Variants in PDZRN4 observed in about 807,000 individuals in gnomAD.
PDZRN4 encodes PDZ domain containing ring finger 4, also known as PDZ domain-containing RING finger protein 4.
In PDZRN4, 70 loss-of-function variants were observed where a neutral mutation model predicts 99.0. The ratio of observed to expected loss-of-function variants is 0.71; its 90% confidence interval spans 0.58 to 0.86. The LOEUF is 0.86. Ranked by LOEUF, PDZRN4 falls within the 40% of genes least tolerant of loss-of-function variation. The pLI, the probability that PDZRN4 is intolerant of heterozygous loss-of-function variation, is 0.00. For missense variants in PDZRN4, 1,474 were observed against 1,331.2 expected, an observed-to-expected ratio of 1.11 and a Z score of -1.67; for synonymous variants, 551 against 501.6, an observed-to-expected ratio of 1.10 and a Z score of -1.32.
At chr12:41,486,677 GA>G (rs926147440) in intron 3 of PDZRN4, among the ~76,000 whole-genome samples, 5 of 150,850 alleles carry the variant, frequency 3.3e-5, no homozygotes, top group Admixed American at 1.3e-4. Context: ...TGAAAATAGA[GA>G]AAAAAAAATC....
chr12:41,555,569 A>G (rs1939142907), intron 6 of PDZRN4, 129 bp from the exon 7 acceptor site: 2 of 676,234 alleles, frequency 3.0e-6, no homozygotes, highest in Non-Finnish European at 5.3e-6. Context: ...GAGAAATATT[A>G]TGTATACTGT....
chr12:41,486,130 A>G (rs1373581237), intron 3 of PDZRN4, among the ~76,000 whole-genome samples: 1 of 152,178 alleles, frequency 6.6e-6, no homozygotes, highest in African/African-American at 2.4e-5. Flanking sequence ...CTTTGTTGCT[A>G]GGAGTTTTTG....
intron 3 of PDZRN4, among the ~76,000 whole-genome samples, chr12:41,306,428 C>T (rs1951569921): frequency 6.6e-6 from 1 of 152,192 alleles, no homozygotes; most frequent in African/African-American, 2.4e-5. Context: ...TTGCCATGTC[C>T]TGTACAGTCA....
chr12:41,382,599 T>C (rs1440784105), intron 3 of PDZRN4, among the ~76,000 whole-genome samples: 1 of 152,220 alleles, frequency 6.6e-6, no homozygotes, highest in Admixed American at 6.5e-5. Context: ...AATAAGTTAC[T>C]TGGCAAAGTT....
At chr12:41,425,051 A>T (rs1022553314) in intron 3 of PDZRN4, among the ~76,000 whole-genome samples, 3 of 152,196 alleles carry the variant, frequency 2.0e-5, no homozygotes, top group Non-Finnish European at 4.4e-5. Context: ...TCGAAACAAC[A>T]TTCACAACAT....
chr12:41,442,269 G>A (rs1215113054), intron 3 of PDZRN4, among the ~76,000 whole-genome samples: 1 of 151,972 alleles, frequency 6.6e-6, no homozygotes, highest in East Asian at 1.9e-4. Flanking sequence ...AGCCTCTGTG[G>A]AATACACCTT....
intron 3 of PDZRN4, among the ~76,000 whole-genome samples, chr12:41,425,766 C>T (rs951293787): frequency 4.6e-5 from 7 of 152,092 alleles, no homozygotes; most frequent in Non-Finnish European, 7.4e-5. Flanking sequence ...ATAGCAATTG[C>T]GGATTTTTAA....
intron 3 of PDZRN4, among the ~76,000 whole-genome samples, chr12:41,358,206 G>A (rs1951940527): frequency 6.6e-6 from 1 of 151,860 alleles, no homozygotes; most frequent in Admixed American, 6.6e-5. Context: ...TTGACAAAAA[G>A]CACAGCCTCA....
At chr12:41,235,309 C>A (rs1951058654) in intron 3 of PDZRN4, among the ~76,000 whole-genome samples, 1 of 151,860 alleles carries the variant, frequency 6.6e-6, no homozygotes, top group Admixed American at 6.6e-5. Context: ...ACAATATATA[C>A]CTCCTAGGAA....
At chr12:41,444,316 T>C (rs1214711781) in intron 3 of PDZRN4, among the ~76,000 whole-genome samples, 1 of 152,028 alleles carries the variant, frequency 6.6e-6, no homozygotes, top group African/African-American at 2.4e-5. Flanking sequence ...TCCAAGTATA[T>C]ACAGGTCTGG....
rs61259671 is a variant in PDZRN4, at chr12:41,466,751, G to GTTTT, written c.844-39691_844-39688dup. 5.6e-4 allele frequency among the ~76,000 whole-genome samples: 68 copies of GTTTT among 122,148 alleles called. 1 individual carries two copies. Among genetic ancestry groups the GTTTT allele is most frequent in the African/African-American group, 1.5e-3 (48 of 32,054 alleles). The allele number at this position is 122,148 out of a possible 152,430, so 80.1% of individuals were successfully genotyped here. A position where few individuals can be genotyped will look rare whatever the true frequency, so the allele number is the denominator to read the frequency against. ...TTCACAAATCCTTTATATTTCCAGT[G>GTTTT]TTTTTTTTTTTTTTTTTGGTTTTGT... On this transcript the variant is annotated intron_variant, in intron 3 of 9. Coordinates refer to ENST00000402685, the MANE Select transcript of PDZRN4 (RefSeq NM_001164595.2).
chr12:41,298,659 T>C (rs1197655313), intron 3 of PDZRN4, among the ~76,000 whole-genome samples: 1 of 152,196 alleles, frequency 6.6e-6, no homozygotes, highest in Non-Finnish European at 1.5e-5. Flanking sequence ...AAGGCCTATT[T>C]GCTGAAGCTT....
At chr12:41,407,770 G>T (rs957807023) in intron 3 of PDZRN4, among the ~76,000 whole-genome samples, 1 of 151,938 alleles carries the variant, frequency 6.6e-6, no homozygotes, top group Non-Finnish European at 1.5e-5. Flanking sequence ...TAAGAAGTAA[G>T]GTTCACCTAA....
chr12:41,437,610 T>C (rs998313130), intron 3 of PDZRN4: 10 of 420,386 alleles, frequency 2.4e-5, no homozygotes, highest in Non-Finnish European at 3.8e-5. Context: ...ACATGTTCTG[T>C]CATAAATAAT....
intron 3 of PDZRN4, among the ~76,000 whole-genome samples, chr12:41,455,989 C>T (rs1952814039): frequency 1.3e-5 from 2 of 152,190 alleles, no homozygotes; most frequent in Non-Finnish European, 2.9e-5. Context: ...TCATCTTCAA[C>T]ATTTCTTTCA....
At chr12:41,538,414 G>A (rs1220984546) in intron 5 of PDZRN4, among the ~76,000 whole-genome samples, 2 of 152,108 alleles carry the variant, frequency 1.3e-5, no homozygotes, top group Non-Finnish European at 1.5e-5. Flanking sequence ...TGGACATGGA[G>A]GATATTCATG....
chr12:41,326,817 A>G (rs1951712222), intron 3 of PDZRN4, among the ~76,000 whole-genome samples: 2 of 152,226 alleles, frequency 1.3e-5, no homozygotes, highest in Non-Finnish European at 2.9e-5. Context: ...TATAATTTAA[A>G]CATCTAAAGA....
At chr12:41,189,633 A>G (rs982138143) in intron 1 of PDZRN4, among the ~76,000 whole-genome samples, 2 of 152,106 alleles carry the variant, frequency 1.3e-5, no homozygotes, top group African/African-American at 2.4e-5. Flanking sequence ...ACTGCCTTCT[A>G]TTAAGTTGGG....
intron 3 of PDZRN4, among the ~76,000 whole-genome samples, chr12:41,288,782 G>A (rs531707913): frequency 6.6e-6 from 1 of 152,110 alleles, no homozygotes; most frequent in East Asian, 1.9e-4. Context: ...CTCATTAGTA[G>A]CGAATTTAAA....
Sources: allele counts gnomAD v4.1 joint callset (sites outside exome capture counted in the v4.1 genomes callset), GRCh38; gene constraint gnomAD v4.1.1; transcripts MANE v1.5; gene names NCBI Gene and HGNC (gene_info 2026-07-23, HGNC 2026-07-21).